Variants in TNK2 observed in about 807,000 individuals in gnomAD.
TNK2 encodes the protein activated CDC42 kinase 1.
A neutral mutation model predicts 101.8 loss-of-function variants in TNK2; 83 were observed. The observed-to-expected ratio is 0.82, with a 90% CI of 0.68 to 0.98. The LOEUF (loss-of-function observed/expected upper bound fraction) is 0.98. Ranked by LOEUF, TNK2 falls within the 50% of genes least tolerant of loss-of-function variation. The probability of loss-of-function intolerance (pLI) is 0.00; values close to 1 mark genes in which losing one functional copy is unlikely to be tolerated. For synonymous variants in TNK2, 804 were observed against 633.0 expected (o/e 1.27, Z -4.06); for missense variants, 1,665 against 1,483.2 (o/e 1.12, Z -2.01).
At chr3:195,864,222 G>A (rs774809154) in intron 15 of TNK2, 35 bp from the exon 16 acceptor site, 1 of 1,613,708 alleles carries the variant, frequency 6.2e-7, no homozygotes, top group African/African-American at 1.3e-5. Flanking sequence ...CAGTTAAACA[G>A]TTTACAGAAG....
At chr3:195,894,199 T>C (rs1164942136) in intron 1 of TNK2, 2 of 152,176 alleles carry the variant, frequency 1.3e-5, no homozygotes, top group African/African-American at 4.8e-5. Context: ...GGGAACAATT[T>C]AAGCAGGGTT....
At chr3:195,904,241 G>C (rs916074678) in intron 1 of TNK2, among the ~76,000 whole-genome samples, 1 of 145,544 alleles carries the variant, frequency 6.9e-6, no homozygotes, top group Non-Finnish European at 1.5e-5. Context: ...CTGGGAGACA[G>C]AGTGAGTGAG....
rs1209805756 is a variant in TNK2 at position 195,907,248 on chromosome 3, G to A, written c.-19+1237C>T. Among the ~76,000 whole-genome samples, 3 of 152,190 alleles carry A rather than the reference G, an allele frequency of 2.0e-5. No homozygotes were observed. The East Asian group carries it at 5.8e-4, about 29-fold the overall frequency. ...CCGTGGGCACAGCAGCTGAACTTCC[G>A]GTGCATGAGTGTTTGGGTGGCAGCG... On this transcript the variant is annotated intron_variant, in intron 1 of 15. Transcript: ENST00000672887.
chr3:195,873,576 C>T (rs931582372), intron 9 of TNK2, among the ~76,000 whole-genome samples: 2 of 152,162 alleles, frequency 1.3e-5, no homozygotes, highest in East Asian at 1.9e-4. Flanking sequence ...AGGGTGGACA[C>T]GTGTGGCACC....
chr3:195,879,175 C>T lies in TNK2; in HGVS notation c.888G>A (p.Trp296Ter). ...MQEHRKVPFA[W>*]CAPESLKTRT... ...GTGTCTTCAGGCTCTCGGGGGCACA[C>T]CTGGCAGAGGCAGGGGTCAAAGAGA... The change falls in exon 7 of 16, where the codon TGG becomes TGA. Residue 296 changes from tryptophan to a stop codon, truncating the protein, a stop_gained and splice_region_variant. Coordinates refer to ENST00000672887, the MANE Select transcript of TNK2 (RefSeq NM_001382273.1). LOFTEE classifies it high-confidence loss of function. 1.2e-6 allele frequency: 2 copies of T among 1,613,200 alleles called. No individual in the cohort carries two copies. The highest frequency in any genetic ancestry group is 1.7e-6 in the Non-Finnish European group (2 of 1,179,964).
At chr3:195,870,678 G>A (rs6583266) in intron 10 of TNK2, among the ~76,000 whole-genome samples, 113,898 of 152,222 alleles carry the variant, frequency 0.75, 43,460 homozygotes, top group East Asian at 1. Flanking sequence ...TCCACCCTCC[G>A]TCCCTGCACC....
chr3:195,881,583 A>T (rs1422908149), intron 6 of TNK2, among the ~76,000 whole-genome samples: 1 of 59,084 alleles, frequency 1.7e-5, no homozygotes. Flanking sequence ...TATCCCTGTA[A>T]CACCCCCCCA....
intron 1 of TNK2, among the ~76,000 whole-genome samples, chr3:195,897,594 C>A (rs1175118210): frequency 1.3e-5 from 2 of 152,178 alleles, no homozygotes; most frequent in Non-Finnish European, 2.9e-5. Flanking sequence ...CTCTGCCTCG[C>A]AGGCTCAAGC....
At chr3:195,896,041 G>A (rs1219213072) in intron 1 of TNK2, 2 of 449,664 alleles carry the variant, frequency 4.4e-6, no homozygotes, top group South Asian at 3.1e-5. Flanking sequence ...TGTGCGCTGG[G>A]CACGCACTGA....
chr3:195,887,957 TGTGTGTG>T (rs1391626132), intron 2 of TNK2, among the ~76,000 whole-genome samples: 35 of 19,982 alleles, frequency 1.8e-3, no homozygotes, highest in African/African-American at 0.016. Flanking sequence ...TGTGCCTGCG[TGTGTGTG>T]TGTGTGTGTG....
Position 195,866,874 on chromosome 3 carries a change from G to A in TNK2, c.3161+15C>T, listed in dbSNP as rs770895418. On this transcript the variant is annotated intron_variant, in intron 15 of 15. Coordinates refer to ENST00000672887, the MANE Select transcript of TNK2 (RefSeq NM_001382273.1). ...CCTGGGGCACGGAGCGGGGCAGACTGTGGGGCTCACTCACTTGTGGTGGGC... is the reference window on the plus strand; with the variant it reads ...CCTGGGGCACGGAGCGGGGCAGACTATGGGGCTCACTCACTTGTGGTGGGC... The A allele has an allele frequency of 6.2e-7, 1 of 1,608,438 alleles. No homozygotes were observed. Among genetic ancestry groups the A allele is most frequent in the South Asian group, 1.1e-5 (1 of 90,244 alleles).
chr3:195,872,023 C>T (rs149005549), intron 10 of TNK2, among the ~76,000 whole-genome samples: 25,737 of 67,196 alleles, frequency 0.38, 4,986 homozygotes, highest in South Asian at 0.51. Flanking sequence ...CTGGAGAACC[C>T]TCCCCTGGAG....
rs1003100922 is a variant in TNK2, at chr3:195,888,887, T to G, written c.-18-281A>C. ...TGATCTGTGACTGAGTGACCCAAGA[T>G]CAACCTGTGCTCACATTCCTGCTCT... On this transcript the variant is annotated intron_variant, in intron 1 of 15. Coordinates refer to ENST00000672887, the MANE Select transcript of TNK2 (RefSeq NM_001382273.1). The surrounding 1 kb of genome is among the most constrained non-coding windows in gnomAD (Gnocchi z 5.3). Among the ~76,000 whole-genome samples the G allele has an allele frequency of 5.3e-5, 8 of 152,138 alleles. No individual in the cohort carries two copies. Among genetic ancestry groups the G allele is most frequent in the African/African-American group, 1.9e-4 (8 of 41,482 alleles).
chr3:195,868,718 GA>G lies in TNK2; in HGVS notation c.1589-10del. On this transcript the variant is annotated splice_polypyrimidine_tract_variant and intron_variant, in intron 12 of 15. Coordinates refer to ENST00000672887, the MANE Select transcript of TNK2 (RefSeq NM_001382273.1). ...AGGGTCATAGGTTGGTTCTGTGATG[GA>G]AAGGGAGAGCCCAACAGGAAGGCAG... The G allele has an allele frequency of 6.5e-7, 1 of 1,543,830 alleles. No homozygotes were observed. Among genetic ancestry groups the G allele is most frequent in the Non-Finnish European group, 8.7e-7 (1 of 1,155,048 alleles).
At chr3:195,865,106 C>A (rs1576970285) in intron 15 of TNK2, among the ~76,000 whole-genome samples, 4 of 131,358 alleles carry the variant, frequency 3.0e-5, no homozygotes, top group African/African-American at 5.8e-5. Flanking sequence ...TCAGTAAGAA[C>A]CACCCGAGAC....
At chr3:195,889,532 A>G (rs1757517958) in intron 1 of TNK2, among the ~76,000 whole-genome samples, 1 of 152,186 alleles carries the variant, frequency 6.6e-6, no homozygotes, top group East Asian at 1.9e-4. Context: ...ATATTCACGC[A>G]TTAACCATAC....
Position 195,884,863 on chromosome 3 carries a change from ACCATCACCCAG to A in TNK2, c.394_404del (p.Leu132PhefsTer84). 1.9e-6 allele frequency: 3 copies of A among 1,613,634 alleles called. No homozygotes were observed. The highest frequency in any genetic ancestry group is 2.5e-6 in the Non-Finnish European group (3 of 1,179,962). ...CGCCCCTGCGCACCACGCCAAAGGAACCATCACCCAGCTTCTCCAGGAGGCGCAGGTCCTTC... is the reference window on the plus strand; with the variant it reads ...CGCCCCTGCGCACCACGCCAAAGGAACTTCTCCAGGAGGCGCAGGTCCTTC... On this transcript the variant is annotated frameshift_variant, in exon 4 of 16. Transcript: ENST00000672887. LOFTEE classifies it high-confidence loss of function.
intron 1 of TNK2, among the ~76,000 whole-genome samples, chr3:195,893,132 G>A (rs1378213362): frequency 6.6e-6 from 1 of 152,000 alleles, no homozygotes; most frequent in Admixed American, 6.5e-5. Context: ...GCCTGAGTGG[G>A]AGGCTTGGAC....
intron 2 of TNK2, among the ~76,000 whole-genome samples, chr3:195,887,774 TC>T (rs1756419470): frequency 2.4e-5 from 3 of 126,816 alleles, no homozygotes; most frequent in African/African-American, 1.2e-4. Context: ...CGTGTGTGCG[TC>T]TGCGCGCGTG....
Sources: gnomAD v4.1 joint callset for allele counts (sites outside exome capture counted in the v4.1 genomes callset) on GRCh38, gnomAD v4.1.1 for gene constraint, Gnocchi (gnomAD v3.1) non-coding constraint, MANE v1.5 for transcripts, NCBI Gene and HGNC (gene_info 2026-07-23, HGNC 2026-07-21) for gene names.